Variants in FUT9 observed in about 807,000 individuals in gnomAD.
FUT9 encodes the protein fucosyltransferase 9.
Under a neutral mutation model 29.7 loss-of-function variants are expected in FUT9, and 15 were observed. That is an observed-to-expected ratio of 0.51 (90% CI 0.34 to 0.78). The LOEUF (loss-of-function observed/expected upper bound fraction) is 0.78. FUT9 is among the 30% of genes least tolerant of loss of function. The pLI, the probability that FUT9 is intolerant of heterozygous loss-of-function variation, is 0.01. For synonymous variants in FUT9, 169 were observed against 153.7 expected (o/e 1.10, Z -0.74); for missense variants, 319 against 425.4 (o/e 0.75, Z 2.20).
At position 96,212,684 on chromosome 6, in the gene FUT9, T is replaced by A. The variant is rs1014921633; in HGVS notation, c.*8449T>A. 9.1e-6 allele frequency: 2 copies of A among 219,548 alleles called. No individual in the cohort carries two copies. Among genetic ancestry groups the A allele is most frequent in the East Asian group, 1.1e-4 (1 of 9,054 alleles). The allele number at this position is 219,548 out of a possible 1,614,324, so 13.6% of individuals were successfully genotyped here. ...TTGCAGAAATGCAACTGGTCAAAAT[T>A]ACTTGAATGAAATTGTTGAGGTTAA... is the stretch of plus-strand genomic sequence containing the variant. On this transcript the variant is annotated 3_prime_UTR_variant, in exon 3 of 3. Coordinates refer to ENST00000302103, the MANE Select transcript of FUT9 (RefSeq NM_006581.4).
At chr6:96,153,090 A>G (rs558449296) in intron 2 of FUT9, among the ~76,000 whole-genome samples, 1 of 152,214 alleles carries the variant, frequency 6.6e-6, no homozygotes, top group Non-Finnish European at 1.5e-5. Context: ...CTTTAAAAAC[A>G]TCCTTCCATT....
chr6:96,209,886 C>A lies in FUT9; in HGVS notation c.*5651C>A, dbSNP rs368926824. 4.8e-5 allele frequency: 8 copies of A among 166,518 alleles called. No homozygotes were observed. Among genetic ancestry groups the A allele is most frequent in the Non-Finnish European group, 1.2e-4 (8 of 68,032 alleles). 10.3% of individuals were successfully genotyped at this position (166,518 alleles called of 1,614,324 possible). The stretch of plus-strand genomic sequence containing the variant: ...AATTTCTTCAAATAATCCATGCCCC[C>A]CCGTCACCCAAAAAAAGAGCATGCT... On this transcript the variant is annotated 3_prime_UTR_variant, in exon 3 of 3. Transcript: ENST00000302103.
intron 2 of FUT9, among the ~76,000 whole-genome samples, chr6:96,149,107 G>A (rs1391025490): frequency 2.0e-5 from 3 of 151,470 alleles, no homozygotes; most frequent in African/African-American, 4.9e-5. Context: ...AGTGAGCCGT[G>A]AGCCAAGATT....
At chr6:96,157,300 CAAAGGAGG>C (rs1488200429) in intron 2 of FUT9, among the ~76,000 whole-genome samples, 1 of 152,180 alleles carries the variant, frequency 6.6e-6, no homozygotes, top group Non-Finnish European at 1.5e-5. Context: ...GAAAACATCA[CAAAGGAGG>C]ACCTTGAGCT....
chr6:96,112,567 T>C (rs2127961261), intron 1 of FUT9, among the ~76,000 whole-genome samples: 1 of 152,296 alleles, frequency 6.6e-6, no homozygotes, highest in African/African-American at 2.4e-5. Flanking sequence ...AGAAATCAGA[T>C]TGAATTTTGT....
intron 1 of FUT9, among the ~76,000 whole-genome samples, chr6:96,048,282 T>A (rs527293471): frequency 4.6e-5 from 7 of 152,302 alleles, no homozygotes; most frequent in Admixed American, 1.3e-4. Flanking sequence ...TTCACAGCTT[T>A]CAGGGATTCC....
intron 1 of FUT9, 68 bp from the exon 2 acceptor site, chr6:96,113,971 T>C (rs1771864753): frequency 6.6e-6 from 1 of 152,186 alleles, no homozygotes; most frequent in African/African-American, 2.4e-5. Context: ...CTTTTGGTTA[T>C]CTAGCTACAT....
chr6:96,192,887 G>A (rs1381721039), intron 2 of FUT9, among the ~76,000 whole-genome samples: 2 of 151,740 alleles, frequency 1.3e-5, no homozygotes, highest in African/African-American at 2.4e-5. Context: ...AGAGCCCTCC[G>A]AAATAATGCT....
In FUT9 at chr6:96,114,050, A is replaced by G. The variant is rs1333235841; in HGVS notation, c.-86A>G. Reference sequence around the variant, plus strand: ...CTCTTTCTCATCAGATTTAGAATGTAATAACTCAAGGATTTGATAATACAG... The same window carrying G: ...CTCTTTCTCATCAGATTTAGAATGTGATAACTCAAGGATTTGATAATACAG... On this transcript the variant is annotated 5_prime_UTR_variant, in exon 2 of 3. The change abolishes the stop of an existing upstream ORF in the 5' untranslated region. Transcript: ENST00000302103. The G allele has an allele frequency of 2.0e-5, 3 of 152,180 alleles. No individual in the cohort carries two copies. Among genetic ancestry groups the G allele is most frequent in the African/African-American group, 7.2e-5 (3 of 41,468 alleles). 9.4% of individuals were successfully genotyped at this position (152,180 alleles called of 1,614,324 possible). A position where few individuals can be genotyped will look rare whatever the true frequency, so the allele number is the denominator to read the frequency against.
intron 2 of FUT9, among the ~76,000 whole-genome samples, chr6:96,176,935 C>A (rs957863571): frequency 2.6e-5 from 4 of 152,116 alleles, no homozygotes; most frequent in Admixed American, 2.0e-4. Context: ...TTATGGCAAT[C>A]CCCTCTGACA....
At chr6:96,154,377 C>T (rs4840227) in intron 2 of FUT9, among the ~76,000 whole-genome samples, 139,140 of 152,212 alleles carry the variant, frequency 0.91, 64,888 homozygotes, top group Non-Finnish European at 1. Flanking sequence ...TTTTCTTAGA[C>T]TCCAACAGTA....
chr6:96,169,525 T>A (rs1318101471), intron 2 of FUT9, among the ~76,000 whole-genome samples: 1 of 152,150 alleles, frequency 6.6e-6, no homozygotes, highest in Non-Finnish European at 1.5e-5. Context: ...CTAATAGTGT[T>A]TTGTTTTTAT....
At chr6:96,039,887 C>T (rs1265034178) in intron 1 of FUT9, among the ~76,000 whole-genome samples, 1 of 152,070 alleles carries the variant, frequency 6.6e-6, no homozygotes, top group South Asian at 2.1e-4. Flanking sequence ...AGTGTTTCTA[C>T]AAGACTTTCT....
chr6:96,130,890 A>T (rs543317105), intron 2 of FUT9, among the ~76,000 whole-genome samples: 5 of 152,248 alleles, frequency 3.3e-5, no homozygotes, highest in African/African-American at 9.6e-5. Context: ...GCTATTTCTG[A>T]ACTCAAGTTA....
intron 2 of FUT9, among the ~76,000 whole-genome samples, chr6:96,141,809 A>T (rs1344626862): frequency 6.6e-6 from 1 of 152,218 alleles, no homozygotes; most frequent in Non-Finnish European, 1.5e-5. Context: ...GCACAGTACT[A>T]CTTCTCCAGA....
chr6:96,022,713 C>G (rs552896303), intron 1 of FUT9, among the ~76,000 whole-genome samples: 4 of 151,910 alleles, frequency 2.6e-5, no homozygotes, highest in Non-Finnish European at 5.9e-5. Flanking sequence ...TCATAGGACC[C>G]CTTTTTACCT....
At chr6:96,044,402 A>G (rs1194732388) in intron 1 of FUT9, among the ~76,000 whole-genome samples, 1 of 152,260 alleles carries the variant, frequency 6.6e-6, no homozygotes, top group African/African-American at 2.4e-5. Flanking sequence ...TTGAGGGGAA[A>G]TATTCCAAAA....
At chr6:96,164,701 G>A (rs1772981817) in intron 2 of FUT9, among the ~76,000 whole-genome samples, 2 of 152,132 alleles carry the variant, frequency 1.3e-5, no homozygotes, top group African/African-American at 2.4e-5. Flanking sequence ...AATGAGGCAT[G>A]TCTGACCACT....
At position 96,203,148 on chromosome 6, in the gene FUT9, G is replaced by T. The variant is rs749566302; in HGVS notation, c.-8G>T. 1.3e-6 allele frequency: 2 copies of T among 1,577,526 alleles called. No individual in the cohort carries two copies. The highest frequency in any genetic ancestry group is 1.8e-5 in the Admixed American group (1 of 57,140). ...CCTTCTGTCTTTCTCTATTTCGTAG[G>T]AAAAATTATGACATCAACATCCAAA... is the stretch of plus-strand genomic sequence containing the variant. On this transcript the variant is annotated splice_region_variant and 5_prime_UTR_variant, in exon 3 of 3. The change abolishes the stop of an existing upstream ORF in the 5' untranslated region. Coordinates refer to ENST00000302103, the MANE Select transcript of FUT9 (RefSeq NM_006581.4).
Sources: allele counts gnomAD v4.1 joint callset (sites outside exome capture counted in the v4.1 genomes callset), GRCh38; gene constraint gnomAD v4.1.1; transcripts MANE v1.5; gene names NCBI Gene and HGNC (gene_info 2026-07-23, HGNC 2026-07-21).